SLC37A3: variants seen among roughly 807,000 people sequenced by gnomAD.
The protein encoded by SLC37A3 is sugar phosphate exchanger 3.
Under a neutral mutation model 67.1 loss-of-function variants are expected in SLC37A3, and 51 were observed. The ratio of observed to expected loss-of-function variants is 0.76; its 90% CI spans 0.61 to 0.96. SLC37A3 has a LOEUF of 0.96. SLC37A3 is among the 40% of genes least tolerant of loss of function. The pLI, the probability that SLC37A3 is intolerant of heterozygous loss-of-function variation, is 0.00. For synonymous variants in SLC37A3, 214 were observed against 231.4 expected, an observed-to-expected ratio of 0.92 and a Z score of 0.68; for missense variants, 508 against 603.0, an observed-to-expected ratio of 0.84 and a Z score of 1.65.
chr7:140,337,249 A>G (rs1302837533), intron 14 of SLC37A3, 35 bp downstream of exon 14: 2 of 1,496,884 alleles, frequency 1.3e-6, no homozygotes, highest in Non-Finnish European at 1.8e-6. Flanking sequence ...TAACAGAAAA[A>G]TGACTTTTTT....
At chr7:140,357,425 T>C (rs1046478979) in intron 6 of SLC37A3, among the ~76,000 whole-genome samples, 20 of 151,870 alleles carry the variant, frequency 1.3e-4, no homozygotes, top group African/African-American at 4.4e-4. Flanking sequence ...AATTTATAAT[T>C]ATGCTGAATG....
At chr7:140,385,125 T>C (rs570078202) in intron 1 of SLC37A3, among the ~76,000 whole-genome samples, 2 of 152,330 alleles carry the variant, frequency 1.3e-5, no homozygotes, top group Admixed American at 1.3e-4. Context: ...GCTTATTTCA[T>C]TTGAGAGTTG....
chr7:140,335,063 G>T lies in SLC37A3; in HGVS notation c.*349C>A. The T allele has an allele frequency of 1.5e-6, 1 of 687,892 alleles. No individual in the cohort carries two copies. Among genetic ancestry groups the T allele is most frequent in the Non-Finnish European group, 2.4e-6 (1 of 424,134 alleles). 42.6% of individuals were successfully genotyped at this position (687,892 alleles called of 1,614,324 possible). ...TGCCTCCTGTTCACTCCATTTTCAA[G>T]GCTAGAGAAAGTTCAAGTCCAAAAC... On this transcript the variant is annotated 3_prime_UTR_variant, in exon 15 of 15. Coordinates refer to ENST00000326232, the MANE Select transcript of SLC37A3 (RefSeq NM_207113.3).
rs1797139382 is a variant in SLC37A3 at position 140,358,752 on chromosome 7, G to A, written c.409C>T (p.Arg137Cys). 12 of 1,614,090 alleles carry A rather than the reference G, an allele frequency of 7.4e-6. No individual in the cohort carries two copies. In the East Asian group the frequency reaches 8.9e-5, roughly 12 times the overall value. ...CAGTACAGCCATTTGTTGTAGAAAC[G>A]CAGCCATTCTGTGAGCGCACCAAAG... The part of the protein sequence containing the change: ...FVFGALTEWL[R>C]FYNKWLYCCL... Residue 137 changes from arginine (R) to cysteine (C), a missense_variant, in exon 6 of 15, where the codon CGT (arginine) becomes TGT (cysteine). Physicochemically the swap from Arg to Cys is radical, Grantham distance 180 (BLOSUM62 -3). Coordinates refer to ENST00000326232, the MANE Select transcript of SLC37A3 (RefSeq NM_207113.3).
At chr7:140,356,419 C>T (rs550969921) in intron 6 of SLC37A3, among the ~76,000 whole-genome samples, 124 of 152,284 alleles carry the variant, frequency 8.1e-4, no homozygotes, top group African/African-American at 2.4e-3. Context: ...CGAGGGCTCA[C>T]GCCTGTAATC....
chr7:140,371,196 G>A (rs1797804875), intron 3 of SLC37A3, among the ~76,000 whole-genome samples: 1 of 152,100 alleles, frequency 6.6e-6, no homozygotes, highest in Admixed American at 6.6e-5. Flanking sequence ...TTATTTTTGA[G>A]ACAGAGTCTC....
chr7:140,351,802 C>A, intron 8 of SLC37A3: 1 of 589,734 alleles, frequency 1.7e-6, no homozygotes, highest in Non-Finnish European at 3.0e-6. Flanking sequence ...GCCAGTGTCT[C>A]AATTATAAAA....
chr7:140,341,487 G>A (rs777515881), intron 13 of SLC37A3, among the ~76,000 whole-genome samples: 5 of 152,244 alleles, frequency 3.3e-5, no homozygotes, highest in Admixed American at 1.3e-4. Context: ...AGGGAAAGAC[G>A]GGGTAACAAA....
chr7:140,388,738 G>C (rs977723045), intron 1 of SLC37A3, among the ~76,000 whole-genome samples: 5 of 151,986 alleles, frequency 3.3e-5, no homozygotes, highest in Admixed American at 3.3e-4. Flanking sequence ...TTGAACCTGA[G>C]AGGCAGAGGT....
chr7:140,387,180 A>T (rs1798486915), intron 1 of SLC37A3, among the ~76,000 whole-genome samples: 1 of 152,034 alleles, frequency 6.6e-6, no homozygotes, highest in South Asian at 2.1e-4. Context: ...AGTCACCGGT[A>T]GGGCACAGTG....
At chr7:140,341,924 G>A (rs1175453624) in intron 13 of SLC37A3, among the ~76,000 whole-genome samples, 1 of 152,112 alleles carries the variant, frequency 6.6e-6, no homozygotes, top group African/African-American at 2.4e-5. Context: ...CCCGCTCCAG[G>A]GCATGATCAG....
chr7:140,382,402 A>G (rs753213798), intron 2 of SLC37A3, 36 bp downstream of exon 2: 3 of 1,592,130 alleles, frequency 1.9e-6, no homozygotes, highest in Non-Finnish European at 2.6e-6. Flanking sequence ...AGAAAAAAGA[A>G]AAAAAGCAGG....
rs1242729557 is a variant in SLC37A3 at position 140,369,604 on chromosome 7, AG to A, written c.276del (p.Phe93SerfsTer17). The A allele has an allele frequency of 5.6e-6, 9 of 1,613,864 alleles. No homozygotes were observed. Among genetic ancestry groups the A allele is most frequent in the Non-Finnish European group, 6.8e-6 (8 of 1,179,924 alleles). ...LFLGTLDTIF[L>X]FSYAVGLFIS... is the part of the protein sequence containing the mutation. ...CCAAAACTTACCACAGCATAGGAGA[AG>A]AGGAAAATGGTATCCAGTGTGCCGA... On this transcript the variant is annotated frameshift_variant, in exon 4 of 15. Transcript: ENST00000326232. LOFTEE classifies it high-confidence loss of function.
intron 7 of SLC37A3, 132 bp from the exon 8 acceptor site, chr7:140,352,278 C>T: frequency 2.7e-6 from 2 of 744,094 alleles, no homozygotes; most frequent in Non-Finnish European, 4.5e-6. Flanking sequence ...CAAGGGAGCA[C>T]CCAGAGCTTC....
intron 10 of SLC37A3, among the ~76,000 whole-genome samples, chr7:140,347,097 C>A: frequency 6.6e-6 from 1 of 151,294 alleles, no homozygotes. Context: ...GCCATCTCTA[C>A]AAAAAATACA....
At position 140,363,006 on chromosome 7, in the gene SLC37A3, G is replaced by A. The variant is rs1342993234; in HGVS notation, c.375+1402C>T. 6.5e-5 allele frequency among the ~76,000 whole-genome samples: 6 copies of A among 92,414 alleles called. 2 individuals carry two copies. Among genetic ancestry groups the A allele is most frequent in the Non-Finnish European group, 1.4e-4 (6 of 41,628 alleles). 60.6% of individuals were successfully genotyped at this position (92,414 alleles called of 152,430 possible). A position where few individuals can be genotyped will look rare whatever the true frequency, so the allele number is the denominator to read the frequency against. On this transcript the variant is annotated intron_variant, in intron 5 of 14. Transcript: ENST00000326232. Reference sequence around the variant, plus strand: ...GGGAGGTGAGGGGCGCCTCTGCCCGGCCGCCCCTAATGGGAAGTGAGGACC... The same window carrying A: ...GGGAGGTGAGGGGCGCCTCTGCCCGACCGCCCCTAATGGGAAGTGAGGACC...
chr7:140,395,735 G>T (rs974063105), intron 1 of SLC37A3, among the ~76,000 whole-genome samples: 1 of 151,772 alleles, frequency 6.6e-6, no homozygotes, highest in African/African-American at 2.4e-5. Flanking sequence ...ATAAATAAAA[G>T]AACTAGCACA....
intron 1 of SLC37A3, among the ~76,000 whole-genome samples, chr7:140,384,256 T>A (rs1798363124): frequency 6.6e-6 from 1 of 152,204 alleles, no homozygotes. Flanking sequence ...ATTAACTGTG[T>A]TCACATAATA....
intron 5 of SLC37A3, among the ~76,000 whole-genome samples, chr7:140,363,713 TAAAA>T (rs575127857): frequency 2.9e-4 from 8 of 27,980 alleles, no homozygotes; most frequent in South Asian, 1.5e-3. Flanking sequence ...AATAAAAAAA[TAAAA>T]AAAAAAGAGC....
Sources: allele counts gnomAD v4.1 joint callset (sites outside exome capture counted in the v4.1 genomes callset), GRCh38; gene constraint gnomAD v4.1.1; transcripts MANE v1.5; gene names NCBI Gene and HGNC (gene_info 2026-07-23, HGNC 2026-07-21).